Variants in MTCH2 observed in about 807,000 individuals in gnomAD.
MTCH2 encodes the protein mitochondrial carrier homolog 2.
A neutral mutation model predicts 50.6 loss-of-function variants in MTCH2; 25 were observed. The ratio of observed to expected loss-of-function variants is 0.49; its 90% CI spans 0.36 to 0.69. MTCH2 has a LOEUF of 0.69. Ranked by LOEUF, MTCH2 falls within the 30% of genes least tolerant of loss-of-function variation. The pLI is 0.00. For synonymous variants in MTCH2, 106 were observed against 132.0 expected, an observed-to-expected ratio of 0.80 and a Z score of 1.35; for missense variants, 273 against 384.4, an observed-to-expected ratio of 0.71 and a Z score of 2.42.
At chr11:47,612,289 C>T in the MTCH2 span, among the ~76,000 whole-genome samples, 11 of 152,002 alleles carry the variant, frequency 7.2e-5, no homozygotes, top group South Asian at 1.7e-3. Context: ...ATGTGTGGGC[C>T]GGGCGCGGTG....
intron 11 of MTCH2, among the ~76,000 whole-genome samples, chr11:47,623,364 C>A: frequency 1.8e-5 from 2 of 109,878 alleles, no homozygotes; most frequent in Non-Finnish European, 1.8e-5. Context: ...AGAGTAAGAA[C>A]CAGTCTTTTT....
intron 5 of MTCH2, among the ~76,000 whole-genome samples, chr11:47,632,313 G>A (rs912885602): frequency 2.0e-5 from 3 of 151,264 alleles, no homozygotes; most frequent in African/African-American, 7.3e-5. Context: ...TTGCATTTAG[G>A]TTCTGGGATT....
chr11:47,639,136 T>A (rs563703063), intron 1 of MTCH2, 85 bp from the exon 2 acceptor site: 2 of 1,211,716 alleles, frequency 1.7e-6, no homozygotes, highest in East Asian at 4.8e-5. Flanking sequence ...AGAACACAAT[T>A]TGGGTTATTT....
intron 1 of MTCH2, 33 bp downstream of exon 1, chr11:47,642,346 C>A (rs778971014): frequency 2.1e-6 from 3 of 1,427,360 alleles, no homozygotes; most frequent in Non-Finnish European, 2.8e-6. Context: ...GAACGGGGCG[C>A]CGGGCGGGGT....
intron 9 of MTCH2, 48 bp from the exon 10 acceptor site, chr11:47,627,175 A>G: frequency 7.9e-7 from 1 of 1,270,626 alleles, no homozygotes; most frequent in Non-Finnish European, 1.1e-6. Flanking sequence ...ACACTACAAC[A>G]CATCAATATA....
At chr11:47,627,863 C>G (rs910541079) in intron 9 of MTCH2, among the ~76,000 whole-genome samples, 3 of 152,056 alleles carry the variant, frequency 2.0e-5, no homozygotes, top group Non-Finnish European at 2.9e-5. Context: ...AATGATCAAC[C>G]TGATTCAATA....
intron 12 of MTCH2, among the ~76,000 whole-genome samples, chr11:47,622,069 G>A (rs2097293803): frequency 6.6e-6 from 1 of 151,812 alleles, no homozygotes; most frequent in South Asian, 2.1e-4. Flanking sequence ...TCATCATGTT[G>A]CCTCAACTGG....
intron 8 of MTCH2, among the ~76,000 whole-genome samples, chr11:47,629,520 G>A (rs2097301054): frequency 6.6e-6 from 1 of 152,092 alleles, no homozygotes; most frequent in Non-Finnish European, 1.5e-5. Context: ...CTAGGGTCTG[G>A]GTGACCTAGG....
intron 2 of MTCH2, 25 bp downstream of exon 2, chr11:47,638,942 A>G (rs2097311440): frequency 6.3e-7 from 1 of 1,597,440 alleles, no homozygotes; most frequent in African/African-American, 1.4e-5. Context: ...CGTCATGCAA[A>G]CCCAAATAAA....
In MTCH2 at chr11:47,631,792, G is replaced by A. The variant is rs374980101; in HGVS notation, c.370-81C>T. ...GTGAGAAGGAATGTGGGTGGATATC[G>A]TGGTATAGGATAAGAAAGTGAATGA... is the stretch of plus-strand genomic sequence containing the variant. On this transcript the variant is annotated intron_variant, in intron 5 of 12. Transcript: ENST00000302503. 5.8e-4 allele frequency: 849 copies of A among 1,462,352 alleles called. 7 individuals carry two copies. In the South Asian group the frequency reaches 9.4e-3, roughly 16 times the overall value. 90.6% of individuals were successfully genotyped at this position (1,462,352 alleles called of 1,614,324 possible). A position where few individuals can be genotyped will look rare whatever the true frequency, so the allele number is the denominator to read the frequency against.
At chr11:47,639,114 G>T in intron 1 of MTCH2, 63 bp from the exon 2 acceptor site, 1 of 1,414,660 alleles carries the variant, frequency 7.1e-7, no homozygotes, top group Non-Finnish European at 9.8e-7. Context: ...TTGCTTGCAA[G>T]GTCTTGAATA....
chr11:47,622,863 G>T, intron 11 of MTCH2, 87 bp from the exon 12 acceptor site: 1 of 877,926 alleles, frequency 1.1e-6, no homozygotes, highest in Non-Finnish European at 1.8e-6. Flanking sequence ...ATATTCTGCT[G>T]CACAGAAGAT....
chr11:47,617,283 G>C (rs918162118), downstream of MTCH2: 2 of 152,168 alleles, frequency 1.3e-5, no homozygotes, highest in African/African-American at 2.4e-5. Flanking sequence ...AGGCAAGCAT[G>C]AAAGTTCACA....
At chr11:47,608,513 G>A in the MTCH2 span, among the ~76,000 whole-genome samples, 1,018 of 152,264 alleles carry the variant, frequency 6.7e-3, 7 homozygotes, top group African/African-American at 0.023. Flanking sequence ...AAATAGCCCT[G>A]TCTCTCAGCT....
Position 47,631,700 on chromosome 11 carries a change from C to T in MTCH2, c.381G>A (p.Glu127=). Residue 127 remains glutamate, a synonymous_variant, in exon 6 of 13, where the codon GAG becomes GAA. Transcript: ENST00000302503. The stretch of plus-strand genomic sequence containing the variant: ...GGGTAGCAGCAGAACGAGCGATCAT[C>T]TCTCGAGTTGTCTAGAAACAATCAA... The part of the protein sequence containing the change: ...FDHVIKETTR[E]MIARSAATLI... 6.2e-7 allele frequency: 1 copy of T among 1,614,102 alleles called. No individual in the cohort carries two copies. Among genetic ancestry groups the T allele is most frequent in the Non-Finnish European group, 8.5e-7 (1 of 1,180,002 alleles).
At chr11:47,610,181 CAG>C in the MTCH2 span, among the ~76,000 whole-genome samples, 2 of 152,158 alleles carry the variant, frequency 1.3e-5, no homozygotes, top group Non-Finnish European at 2.9e-5. Context: ...TACCATGTGC[CAG>C]TCCCTGTTCT....
In MTCH2 at chr11:47,618,956, T is replaced by C. The variant is rs765481663; in HGVS notation, c.826-37A>G. On this transcript the variant is annotated intron_variant, in intron 12 of 12. Coordinates refer to ENST00000302503, the MANE Select transcript of MTCH2 (RefSeq NM_014342.4). ...AACAAAACAAAACACAAATAATATC[T>C]AGCGAGATGAGATCAGCCAATCCAA... 1.1e-5 allele frequency: 16 copies of C among 1,519,642 alleles called. No homozygotes were observed. The South Asian group carries it at 1.6e-4, about 16-fold the overall frequency. 94.1% of individuals were successfully genotyped at this position (1,519,642 alleles called of 1,614,324 possible). A position where few individuals can be genotyped will look rare whatever the true frequency, so the allele number is the denominator to read the frequency against.
At chr11:47,626,465 T>C (rs2097298268) in intron 10 of MTCH2, among the ~76,000 whole-genome samples, 1 of 151,650 alleles carries the variant, frequency 6.6e-6, no homozygotes, top group Non-Finnish European at 1.5e-5. Context: ...TGAGCCACCA[T>C]GTCTGGCCTG....
chr11:47,627,156 T>C, intron 9 of MTCH2, 29 bp from the exon 10 acceptor site: 1 of 1,485,716 alleles, frequency 6.7e-7, no homozygotes, highest in East Asian at 2.3e-5. Flanking sequence ...CTTAAATTAA[T>C]TACCTACAAC....
Sources: gnomAD v4.1 joint callset for allele counts (sites outside exome capture counted in the v4.1 genomes callset) on GRCh38, gnomAD v4.1.1 for gene constraint, MANE v1.5 for transcripts, NCBI Gene and HGNC (gene_info 2026-07-23, HGNC 2026-07-21) for gene names.